FHIT: variants seen among roughly 807,000 people sequenced by gnomAD.
FHIT encodes the protein fragile histidine triad diadenosine triphosphatase, also known as bis(5'-adenosyl)-triphosphatase.
Under a neutral mutation model 17.9 loss-of-function variants are expected in FHIT, and 19 were observed. The ratio of observed to expected loss-of-function variants is 1.06; its 90% CI spans 0.74 to 1.56. The LOEUF is 1.56. FHIT is among the 40% of genes most tolerant of loss of function. FHIT has a pLI of 0.00. For synonymous variants in FHIT, 81 were observed against 69.7 expected (o/e 1.16, Z -0.81); for missense variants, 248 against 189.2 (o/e 1.31, Z -1.82).
intron 5 of FHIT, among the ~76,000 whole-genome samples, chr3:60,391,414 C>T (rs75845751): frequency 6.6e-6 from 1 of 152,124 alleles, no homozygotes; most frequent in Non-Finnish European, 1.5e-5. Flanking sequence ...TTAGCATAGC[C>T]TAAGTGTATC....
At chr3:59,843,378 C>T (rs1411153054) in intron 8 of FHIT, among the ~76,000 whole-genome samples, 1 of 151,994 alleles carries the variant, frequency 6.6e-6, no homozygotes, top group Non-Finnish European at 1.5e-5. Flanking sequence ...TGTTCTTTTC[C>T]AGGATTTCTT....
chr3:60,981,018 A>T (rs1234978335), intron 3 of FHIT, among the ~76,000 whole-genome samples: 1 of 152,120 alleles, frequency 6.6e-6, no homozygotes, highest in Non-Finnish European at 1.5e-5. Context: ...GACAATGCCT[A>T]GCCATGGACC....
chr3:61,078,502 T>A (rs2035037114), intron 2 of FHIT, among the ~76,000 whole-genome samples: 1 of 152,144 alleles, frequency 6.6e-6, no homozygotes, highest in Admixed American at 6.6e-5. Flanking sequence ...CCGATAGTCA[T>A]TATTTCTATT....
At chr3:60,155,676 C>G (rs940690275) in intron 5 of FHIT, among the ~76,000 whole-genome samples, 8 of 152,214 alleles carry the variant, frequency 5.3e-5, no homozygotes, top group Admixed American at 6.5e-5. Context: ...CTGAATCCAG[C>G]AGTCTCCTGG....
At chr3:60,566,234 T>C (rs1452269240) in intron 4 of FHIT, among the ~76,000 whole-genome samples, 1 of 152,124 alleles carries the variant, frequency 6.6e-6, no homozygotes, top group African/African-American at 2.4e-5. Context: ...GTATATTCTG[T>C]TGATTTGGGG....
intron 3 of FHIT, among the ~76,000 whole-genome samples, chr3:60,967,534 T>C (rs925845358): frequency 2.0e-5 from 3 of 152,168 alleles, no homozygotes; most frequent in African/African-American, 4.8e-5. Context: ...GTAAAAAGGA[T>C]GGGACAAAAG....
At chr3:61,243,058 C>G (rs1488928581) in intron 1 of FHIT, among the ~76,000 whole-genome samples, 1 of 152,132 alleles carries the variant, frequency 6.6e-6, no homozygotes, top group Non-Finnish European at 1.5e-5. Context: ...TCCAAAGTTA[C>G]ACTATAAACT....
chr3:61,051,249 C>CTGTTTGTTTGTTTGTT (rs57097773), intron 2 of FHIT, among the ~76,000 whole-genome samples: 3 of 150,804 alleles, frequency 2.0e-5, no homozygotes, highest in Non-Finnish European at 2.9e-5. Context: ...ACCACTATCT[C>CTGTTTGTTTGTTTGTT]TGTTTGTTTG....
At chr3:60,362,944 G>T (rs1010418970) in intron 5 of FHIT, among the ~76,000 whole-genome samples, 2 of 152,142 alleles carry the variant, frequency 1.3e-5, no homozygotes, top group African/African-American at 4.8e-5. Context: ...ACTTCAGAAG[G>T]TATCCCCAGC....
chr3:59,905,501 C>T (rs11715245), intron 8 of FHIT, among the ~76,000 whole-genome samples: 37,619 of 152,046 alleles, frequency 0.25, 5,273 homozygotes, highest in Middle Eastern at 0.34. Flanking sequence ...GTGCCTCTCA[C>T]GTAGTAAGCC....
chr3:60,298,324 A>G (rs371769829), intron 5 of FHIT, among the ~76,000 whole-genome samples: 15 of 152,178 alleles, frequency 9.9e-5, no homozygotes, highest in African/African-American at 3.4e-4. Context: ...TGGTTCTCCT[A>G]GCAACCAGTC....
chr3:60,873,349 C>T (rs1237421688), intron 3 of FHIT, among the ~76,000 whole-genome samples: 6 of 152,250 alleles, frequency 3.9e-5, no homozygotes, highest in East Asian at 1.9e-4. Flanking sequence ...TAAAGTTGGG[C>T]AAGTTGTTTT....
chr3:60,559,660 C>T (rs767571941), intron 4 of FHIT, among the ~76,000 whole-genome samples: 21 of 152,138 alleles, frequency 1.4e-4, no homozygotes, highest in Non-Finnish European at 2.6e-4. Context: ...ATATCCATTT[C>T]ACTTTTCCCA....
intron 4 of FHIT, among the ~76,000 whole-genome samples, chr3:60,737,055 A>C (rs1037793720): frequency 1.3e-5 from 2 of 152,218 alleles, no homozygotes; most frequent in African/African-American, 4.8e-5. Flanking sequence ...AATGGTCAAC[A>C]AATATATAGC....
At chr3:60,383,658 G>GAA (rs35292125) in intron 5 of FHIT, among the ~76,000 whole-genome samples, 21 of 147,902 alleles carry the variant, frequency 1.4e-4, no homozygotes, top group Non-Finnish European at 2.1e-4. Context: ...ATGAGCTACT[G>GAA]AAAAAAAAAA....
intron 5 of FHIT, among the ~76,000 whole-genome samples, chr3:60,480,155 A>C (rs991266237): frequency 6.6e-6 from 1 of 152,138 alleles, no homozygotes; most frequent in African/African-American, 2.4e-5. Context: ...GTGGCAGGAG[A>C]GAAAGAGAGA....
chr3:60,018,982 A>AAACAAC (rs34377896), intron 5 of FHIT, among the ~76,000 whole-genome samples: 70 of 151,994 alleles, frequency 4.6e-4, no homozygotes, highest in African/African-American at 1.6e-3. Context: ...CTCTGTCTCA[A>AAACAAC]AACAACAACA....
chr3:61,091,061 G>A (rs1575994764), intron 2 of FHIT, among the ~76,000 whole-genome samples: 1 of 152,142 alleles, frequency 6.6e-6, no homozygotes, highest in South Asian at 2.1e-4. Flanking sequence ...GGTTGATAAA[G>A]ACATCTCGTT....
chr3:60,040,181 C>G (rs539644864), intron 5 of FHIT, among the ~76,000 whole-genome samples: 47 of 152,018 alleles, frequency 3.1e-4, no homozygotes, highest in African/African-American at 1.1e-3. Context: ...GAGTCTTGCT[C>G]TGTCTCCAGG....
Sources: gnomAD v4.1 joint callset for allele counts (sites outside exome capture counted in the v4.1 genomes callset) on GRCh38, gnomAD v4.1.1 for gene constraint, MANE v1.5 for transcripts, NCBI Gene and HGNC (gene_info 2026-07-23, HGNC 2026-07-21) for gene names.